The following AGAP1 variants were observed in gnomAD, a reference collection of about 807,000 sequenced individuals.
AGAP1 encodes ArfGAP with GTPase domain, ankyrin repeat and PH domain 1.
Under a neutral mutation model 105.3 loss-of-function variants are expected in AGAP1, and 29 were observed. The ratio of observed to expected loss-of-function variants is 0.28; its 90% CI spans 0.21 to 0.38. The LOEUF (loss-of-function observed/expected upper bound fraction) is 0.38. Ranked by LOEUF, AGAP1 falls within the 10% of genes least tolerant of loss-of-function variation. The pLI, the probability that AGAP1 is intolerant of heterozygous loss-of-function variation, is 1.00. For missense variants in AGAP1, 998 were observed against 1,165.1 expected (o/e 0.86, Z 2.09); for synonymous variants, 509 against 485.9 (o/e 1.05, Z -0.63).
intron 9 of AGAP1, among the ~76,000 whole-genome samples, chr2:235,876,855 T>TC (rs902245872): frequency 1.2e-4 from 18 of 151,474 alleles, no homozygotes; most frequent in African/African-American, 4.4e-4. Flanking sequence ...CCTTTTTTTT[T>TC]TTTTTTTTTG....
At chr2:235,607,338 T>C (rs1945977991) in intron 1 of AGAP1, among the ~76,000 whole-genome samples, 1 of 152,272 alleles carries the variant, frequency 6.6e-6, no homozygotes, top group Non-Finnish European at 1.5e-5. Flanking sequence ...AACAATGTAC[T>C]TGGATCAAAC....
chr2:235,744,222 G>A lies in AGAP1; in HGVS notation c.397-476G>A, dbSNP rs926648888. 3.3e-5 allele frequency among the ~76,000 whole-genome samples: 5 copies of A among 152,264 alleles called. No individual in the cohort carries two copies. Among genetic ancestry groups the A allele is most frequent in the South Asian group, 4.1e-4 (2 of 4,828 alleles). On this transcript the variant is annotated intron_variant, in intron 4 of 17. Transcript: ENST00000304032. This position sits in a 1 kb window ranked among gnomAD's most constrained non-coding sequence, Gnocchi z 5.2. Reference sequence around the variant, plus strand: ...AGAGTAGGCCAGCCGCTGCGGTAGCGAGTGGGAAGGACTGAGGGGTGGGGA... The same window carrying A: ...AGAGTAGGCCAGCCGCTGCGGTAGCAAGTGGGAAGGACTGAGGGGTGGGGA...
At chr2:235,680,802 T>C (rs1011085656) in intron 1 of AGAP1, among the ~76,000 whole-genome samples, 6 of 151,886 alleles carry the variant, frequency 4.0e-5, no homozygotes, top group Middle Eastern at 3.4e-3. Flanking sequence ...GGGAAGAGAG[T>C]GGCTGCGGGC....
chr2:235,780,994 T>C (rs1027102538), intron 6 of AGAP1, among the ~76,000 whole-genome samples: 2 of 152,206 alleles, frequency 1.3e-5, no homozygotes, highest in East Asian at 1.9e-4. Flanking sequence ...TTGCTAAATA[T>C]TCTCTGGACA....
chr2:235,624,719 C>T (rs994335630), intron 1 of AGAP1, among the ~76,000 whole-genome samples: 1 of 152,040 alleles, frequency 6.6e-6, no homozygotes, highest in African/African-American at 2.4e-5. Context: ...AGTTTGTCCC[C>T]TTCAAATCTC....
At chr2:235,722,317 T>G (rs1162322934) in intron 3 of AGAP1, among the ~76,000 whole-genome samples, 1 of 152,234 alleles carries the variant, frequency 6.6e-6, no homozygotes, top group Non-Finnish European at 1.5e-5. Flanking sequence ...GACTTTGAGG[T>G]TGAATCTGTT....
chr2:235,808,607 C>T (rs1044363465), intron 9 of AGAP1, among the ~76,000 whole-genome samples: 1 of 152,124 alleles, frequency 6.6e-6, no homozygotes, highest in South Asian at 2.1e-4. Flanking sequence ...ACAGCGTAAC[C>T]GACCCTGCCC....
intron 16 of AGAP1, among the ~76,000 whole-genome samples, chr2:236,065,296 G>A (rs1382527788): frequency 6.6e-6 from 1 of 152,238 alleles, no homozygotes; most frequent in African/African-American, 2.4e-5. Flanking sequence ...TGAGTTAGGA[G>A]TGTCGGTGGT....
chr2:236,099,596 A>G (rs910001977), intron 16 of AGAP1, among the ~76,000 whole-genome samples: 1 of 152,214 alleles, frequency 6.6e-6, no homozygotes, highest in African/African-American at 2.4e-5. Flanking sequence ...ATTGCCCTAC[A>G]GATTCAAAAC....
chr2:235,588,370 C>G (rs1945200186), intron 1 of AGAP1, among the ~76,000 whole-genome samples: 1 of 152,102 alleles, frequency 6.6e-6, no homozygotes, highest in South Asian at 2.1e-4. Flanking sequence ...TCTTCTCCTC[C>G]ACTTCTCTAC....
intron 6 of AGAP1, among the ~76,000 whole-genome samples, chr2:235,759,378 C>T (rs1220977735): frequency 6.6e-6 from 1 of 150,786 alleles, no homozygotes; most frequent in South Asian, 2.1e-4. Context: ...ACCGTGTTAG[C>T]CAGGATGGTC....
At chr2:235,761,052 T>A (rs2149782539) in intron 6 of AGAP1, among the ~76,000 whole-genome samples, 1 of 152,314 alleles carries the variant, frequency 6.6e-6, no homozygotes, top group South Asian at 2.1e-4. Flanking sequence ...GGGTCAAGTA[T>A]GAAACATGAT....
rs1349767017 is a variant in AGAP1, at chr2:236,000,115, A to G, written c.1645+31492A>G. 6.6e-6 allele frequency among the ~76,000 whole-genome samples: 1 copy of G among 152,138 alleles called. No homozygotes were observed. Among genetic ancestry groups the G allele is most frequent in the Non-Finnish European group, 1.5e-5 (1 of 68,018 alleles). On this transcript the variant is annotated intron_variant, in intron 13 of 17. Transcript: ENST00000304032. This position sits in a 1 kb window ranked among gnomAD's most constrained non-coding sequence, Gnocchi z 4.3. ...ACCGTGCAGCATCCATCGGGAGGAC[A>G]CACACCCCTGCAGGCCAGCTTTTGT...
At chr2:235,853,112 C>A (rs2106463166) in intron 9 of AGAP1, 1 of 1,216,332 alleles carries the variant, frequency 8.2e-7, no homozygotes, top group Non-Finnish European at 1.0e-6. Flanking sequence ...TTTGAGGAAC[C>A]TTTTTTTAAA....
intron 1 of AGAP1, among the ~76,000 whole-genome samples, chr2:235,540,341 G>A (rs1943394613): frequency 6.6e-6 from 1 of 151,962 alleles, no homozygotes; most frequent in Admixed American, 6.6e-5. Context: ...TAGTCAAGAC[G>A]GGGTTTTGCC....
At position 235,973,537 on chromosome 2, in the gene AGAP1, G is replaced by C. The variant is rs2054739158; in HGVS notation, c.1645+4914G>C. The stretch of plus-strand genomic sequence containing the variant: ...TGACAGGGCCTGAAGCCTATGCATG[G>C]AGGGAACGTGCAGTGACCAGAGAGA... On this transcript the variant is annotated intron_variant, in intron 13 of 17. Coordinates refer to ENST00000304032, the MANE Select transcript of AGAP1 (RefSeq NM_001037131.3). The surrounding 1 kb of genome is among the most constrained non-coding windows in gnomAD (Gnocchi z 4.7). Among the ~76,000 whole-genome samples, 1 of 152,148 alleles carries C rather than the reference G, an allele frequency of 6.6e-6. No homozygotes were observed.
chr2:235,627,467 C>T (rs1435290300), intron 1 of AGAP1, among the ~76,000 whole-genome samples: 1 of 152,090 alleles, frequency 6.6e-6, no homozygotes, highest in Non-Finnish European at 1.5e-5. Flanking sequence ...TCAAGTGATC[C>T]GTCCACCTTG....
intron 9 of AGAP1, among the ~76,000 whole-genome samples, chr2:235,878,989 G>T (rs1233138084): frequency 6.6e-6 from 1 of 152,178 alleles, no homozygotes; most frequent in Non-Finnish European, 1.5e-5. Flanking sequence ...CAGTGGCTGG[G>T]ACACCCAGAG....
At position 235,957,385 on chromosome 2, in the gene AGAP1, C is replaced by G. The variant is rs2053995501; in HGVS notation, c.1484-11077C>G. ...ATTCCTTTCCTCCCCGTTTTTATAA[C>G]TCAGTCTAACACTGTGTTGTCTTTT... On this transcript the variant is annotated intron_variant, in intron 12 of 17. Transcript: ENST00000304032. The surrounding 1 kb of genome is among the most constrained non-coding windows in gnomAD (Gnocchi z 4.6). Among the ~76,000 whole-genome samples, 1 of 152,192 alleles carries G rather than the reference C, an allele frequency of 6.6e-6. No individual in the cohort carries two copies. The highest frequency in any genetic ancestry group is 1.5e-5 in the Non-Finnish European group (1 of 68,040).
Sources: gnomAD v4.1 joint callset for allele counts (sites outside exome capture counted in the v4.1 genomes callset) on GRCh38, gnomAD v4.1.1 for gene constraint, Gnocchi (gnomAD v3.1) non-coding constraint, MANE v1.5 for transcripts, NCBI Gene and HGNC (gene_info 2026-07-23, HGNC 2026-07-21) for gene names.